NPHP4: variants seen among roughly 807,000 people sequenced by gnomAD.
NPHP4 encodes nephrocystin 4.
In NPHP4, 151 loss-of-function variants were observed where a neutral mutation model predicts 155.8. The observed-to-expected ratio is 0.97, with a 90% CI of 0.85 to 1.11. NPHP4 has a LOEUF of 1.11. Ranked by LOEUF, NPHP4 falls within the 50% of genes least tolerant of loss-of-function variation. The pLI, the probability that NPHP4 is intolerant of heterozygous loss-of-function variation, is 0.00. For missense variants in NPHP4, 1,956 were observed against 1,925.7 expected, an observed-to-expected ratio of 1.02 and a Z score of -0.29; for synonymous variants, 845 against 816.8, an observed-to-expected ratio of 1.03 and a Z score of -0.59.
chr1:5,957,941 CCCT>C, intron 6 of NPHP4, among the ~76,000 whole-genome samples: 1 of 152,330 alleles, frequency 6.6e-6, no homozygotes, highest in East Asian at 1.9e-4. Context: ...CCTATGACCT[CCCT>C]CCTAAGAGTG....
intron 7 of NPHP4, among the ~76,000 whole-genome samples, chr1:5,948,701 A>ATG (rs1207958280): frequency 6.6e-6 from 1 of 151,618 alleles, no homozygotes; most frequent in East Asian, 1.9e-4. Context: ...CTGGACGACG[A>ATG]TGGAGAGGTG....
At chr1:5,865,382 G>A (rs1641110779) in intron 26 of NPHP4, 109 bp from the exon 27 acceptor site, 2 of 1,030,804 alleles carry the variant, frequency 1.9e-6, no homozygotes, top group African/African-American at 3.2e-5. Context: ...GCTGTGCAGG[G>A]AAAGCCCCAG....
At chr1:5,901,677 T>C (rs1644689623) in intron 16 of NPHP4, among the ~76,000 whole-genome samples, 2 of 152,226 alleles carry the variant, frequency 1.3e-5, no homozygotes, top group Non-Finnish European at 2.9e-5. Flanking sequence ...CTCAACGCTA[T>C]CATTTAACTT....
intron 29 of NPHP4, 91 bp downstream of exon 29, chr1:5,863,799 T>C: frequency 7.1e-7 from 1 of 1,401,560 alleles, no homozygotes; most frequent in South Asian, 1.2e-5. Flanking sequence ...TGCTGGTGAT[T>C]TGAGGAACTC....
intron 9 of NPHP4, among the ~76,000 whole-genome samples, chr1:5,939,355 C>G (rs1646706260): frequency 6.6e-6 from 1 of 152,256 alleles, no homozygotes; most frequent in African/African-American, 2.4e-5. Flanking sequence ...AAAGAAGCAA[C>G]AGCAAAACTG....
chr1:5,863,208 G>A lies in NPHP4; in HGVS notation c.*57C>T, dbSNP rs2100353686. Reference sequence around the variant, plus strand: ...GCGGGGAGGACAGCCTGCAGGGCAGGAGGGGCACAGACAGGCCCCAGCTGG... The same window carrying A: ...GCGGGGAGGACAGCCTGCAGGGCAGAAGGGGCACAGACAGGCCCCAGCTGG... On this transcript the variant is annotated 3_prime_UTR_variant, in exon 30 of 30. Coordinates refer to ENST00000378156, the MANE Select transcript of NPHP4 (RefSeq NM_015102.5). The A allele has an allele frequency of 3.8e-6, 6 of 1,591,232 alleles. No individual in the cohort carries two copies. Among genetic ancestry groups the A allele is most frequent in the Non-Finnish European group, 5.2e-6 (6 of 1,159,522 alleles).
At chr1:5,947,799 G>A (rs2101933954) in intron 8 of NPHP4, among the ~76,000 whole-genome samples, 1 of 152,286 alleles carries the variant, frequency 6.6e-6, no homozygotes, top group South Asian at 2.1e-4. Flanking sequence ...CAGCATGCAA[G>A]GCCTCCGTAG....
rs534297808 is a variant in NPHP4, at chr1:5,889,953, C to T, written c.2304+915G>A. On this transcript the variant is annotated intron_variant, in intron 17 of 29. Transcript: ENST00000378156. The surrounding 1 kb of genome is among the most constrained non-coding windows in gnomAD (Gnocchi z 4.2). ...ATGGAGCCTGGATCAGTCGGTCACA[C>T]GGGGAGCCAAGAGCAGACCATGCCT... Among the ~76,000 whole-genome samples, 7 of 152,312 alleles carry T rather than the reference C, an allele frequency of 4.6e-5. No homozygotes were observed. Among genetic ancestry groups the T allele is most frequent in the African/African-American group, 1.7e-4 (7 of 41,570 alleles).
intron 11 of NPHP4, among the ~76,000 whole-genome samples, chr1:5,923,087 G>A (rs1645827324): frequency 1.3e-5 from 2 of 152,194 alleles, no homozygotes; most frequent in African/African-American, 2.4e-5. Context: ...CGGAGAGCAT[G>A]AGCCAAGACT....
chr1:5,879,196 G>C (rs1040099799), intron 19 of NPHP4: 4 of 225,398 alleles, frequency 1.8e-5, no homozygotes, highest in East Asian at 1.2e-4. Context: ...ACAAGCCACA[G>C]CTCCAAGGCC....
rs558749249 is a variant in NPHP4, at chr1:5,876,785, C to T, written c.2817+308G>A. On this transcript the variant is annotated intron_variant, in intron 20 of 29. Coordinates refer to ENST00000378156, the MANE Select transcript of NPHP4 (RefSeq NM_015102.5). Reference sequence around the variant, plus strand: ...GTTGTTCACAGCTCTGGTCCCCAGACCTGGGAGAGCCTCAGAATCACCTGC... The same window carrying T: ...GTTGTTCACAGCTCTGGTCCCCAGATCTGGGAGAGCCTCAGAATCACCTGC... 1.5e-3 allele frequency: 474 copies of T among 313,006 alleles called. 1 individual carries two copies. Among genetic ancestry groups the T allele is most frequent in the Non-Finnish European group, 1.9e-3 (320 of 171,860 alleles). The allele number at this position is 313,006 out of a possible 1,614,324, so 19.4% of individuals were successfully genotyped here.
In NPHP4 at chr1:5,918,972, A is replaced by G. The variant is rs1372071808; in HGVS notation, c.1441+8677T>C. ...TGGGCAGCTTCCTCTGGATTATGAC[A>G]TAAGAGAAAGCTGCAGATCAGGGGT... On this transcript the variant is annotated intron_variant, in intron 11 of 29. Coordinates refer to ENST00000378156, the MANE Select transcript of NPHP4 (RefSeq NM_015102.5). Among the ~76,000 whole-genome samples, 6 of 152,248 alleles carry G rather than the reference A, an allele frequency of 3.9e-5. No individual in the cohort carries two copies. In the East Asian group the frequency reaches 9.6e-4, roughly 24 times the overall value.
Position 5,910,762 on chromosome 1 carries a change from G to A in NPHP4, c.1442-1549C>T, listed in dbSNP as rs142062370. The stretch of plus-strand genomic sequence containing the variant: ...CTAACACCAGAGCTGCACGACCATC[G>A]GAGCCAATCCCCGCCGTGCCTCTCC... On this transcript the variant is annotated intron_variant, in intron 11 of 29. Coordinates refer to ENST00000378156, the MANE Select transcript of NPHP4 (RefSeq NM_015102.5). The surrounding 1 kb of genome is among the most constrained non-coding windows in gnomAD (Gnocchi z 5.4). 7.2e-4 allele frequency among the ~76,000 whole-genome samples: 110 copies of A among 152,276 alleles called. No individual in the cohort carries two copies. The highest frequency in any genetic ancestry group is 2.4e-3 in the African/African-American group (98 of 41,550).
intron 16 of NPHP4, among the ~76,000 whole-genome samples, chr1:5,893,196 C>A (rs1644224779): frequency 6.6e-6 from 1 of 152,158 alleles, no homozygotes; most frequent in South Asian, 2.1e-4. Context: ...CGGTGGGTCT[C>A]TCCCCGTGTG....
intron 18 of NPHP4, among the ~76,000 whole-genome samples, chr1:5,886,344 C>T (rs920678182): frequency 3.3e-5 from 5 of 152,220 alleles, no homozygotes; most frequent in Admixed American, 1.3e-4. Context: ...TGAGCCCCTC[C>T]GCCAGGCCCC....
chr1:5,874,824 A>T, intron 21 of NPHP4, 50 bp downstream of exon 21: 1 of 1,582,638 alleles, frequency 6.3e-7, no homozygotes, highest in Non-Finnish European at 8.7e-7. Context: ...TGCCGGCTGC[A>T]CCCGACACAG....
chr1:5,877,353 A>T (rs3747988), intron 19 of NPHP4, 55 bp from the exon 20 acceptor site: 15 of 1,465,762 alleles, frequency 1.0e-5, no homozygotes, highest in Non-Finnish European at 1.2e-5. Flanking sequence ...GCCTTCCAGG[A>T]GCAGACACCA....
intron 9 of NPHP4, among the ~76,000 whole-genome samples, chr1:5,942,880 C>T (rs1337667811): frequency 6.6e-6 from 1 of 152,180 alleles, no homozygotes; most frequent in African/African-American, 2.4e-5. Context: ...CCCCCAGAGG[C>T]TCAGGAGGAT....
intron 1 of NPHP4, among the ~76,000 whole-genome samples, chr1:5,991,759 G>A (rs889139521): frequency 1.1e-4 from 17 of 151,832 alleles, no homozygotes; most frequent in Non-Finnish European, 2.9e-5. Context: ...GACAGCCGGA[G>A]CCGGAGCTGG....
Sources: allele counts gnomAD v4.1 joint callset (sites outside exome capture counted in the v4.1 genomes callset), GRCh38; gene constraint gnomAD v4.1.1; non-coding constraint Gnocchi (gnomAD v3.1); transcripts MANE v1.5; gene names NCBI Gene and HGNC (gene_info 2026-07-23, HGNC 2026-07-21).